Variants in ATG4C observed in about 807,000 individuals in gnomAD.
The protein encoded by ATG4C is cysteine protease ATG4C.
In ATG4C, 56 loss-of-function variants were observed where a neutral mutation model predicts 57.6. The ratio of observed to expected loss-of-function variants is 0.97; its 90% CI spans 0.78 to 1.21. The LOEUF (loss-of-function observed/expected upper bound fraction) is 1.21, where lower values mean the gene tolerates loss of function less well. ATG4C is among the 50% of genes most tolerant of loss of function. ATG4C has a pLI of 0.00. For synonymous variants in ATG4C, 157 were observed against 174.1 expected (o/e 0.90, Z 0.78); for missense variants, 595 against 529.8 (o/e 1.12, Z -1.21).
chr1:62,846,320 G>T (rs1345629527), intron 10 of ATG4C, among the ~76,000 whole-genome samples: 3 of 152,068 alleles, frequency 2.0e-5, no homozygotes, highest in Admixed American at 1.3e-4. Context: ...TTTACTGGTT[G>T]CTCCTTCTTT....
At chr1:62,803,386 G>A (rs1362114918) in intron 1 of ATG4C, among the ~76,000 whole-genome samples, 1 of 152,224 alleles carries the variant, frequency 6.6e-6, no homozygotes, top group East Asian at 1.9e-4. Context: ...TTGCGCCAAT[G>A]CACCAGAGCA....
chr1:62,817,430 C>T (rs765210489), intron 4 of ATG4C, among the ~76,000 whole-genome samples: 4 of 152,150 alleles, frequency 2.6e-5, no homozygotes, highest in African/African-American at 4.8e-5. Context: ...ATTGCAACTT[C>T]GAACTCCTGT....
intron 1 of ATG4C, 122 bp from the exon 2 acceptor site, chr1:62,803,595 AAG>A: frequency 2.7e-6 from 1 of 370,330 alleles, no homozygotes; most frequent in Non-Finnish European, 5.0e-6. Flanking sequence ...TGAGTATAAA[AAG>A]AGAAATTGTT....
chr1:62,824,525 A>C (rs940000827), intron 6 of ATG4C, among the ~76,000 whole-genome samples: 3 of 152,172 alleles, frequency 2.0e-5, no homozygotes, highest in African/African-American at 7.2e-5. Context: ...GTATGTTTTG[A>C]ATAAAACTAC....
intron 10 of ATG4C, among the ~76,000 whole-genome samples, chr1:62,843,378 T>G (rs1666230369): frequency 6.6e-6 from 1 of 152,220 alleles, no homozygotes; most frequent in Non-Finnish European, 1.5e-5. Flanking sequence ...AATAGCTTTT[T>G]GTAGCAGTAT....
chr1:62,856,982 A>G (rs924924063), intron 10 of ATG4C, among the ~76,000 whole-genome samples: 1 of 152,138 alleles, frequency 6.6e-6, no homozygotes, highest in African/African-American at 2.4e-5. Context: ...CCTGCAAGCC[A>G]CGCTGGCTTG....
intron 10 of ATG4C, among the ~76,000 whole-genome samples, chr1:62,860,017 A>G (rs775604163): frequency 2.0e-5 from 3 of 152,190 alleles, no homozygotes; most frequent in Non-Finnish European, 4.4e-5. Flanking sequence ...TTTTCTTTCT[A>G]TTCTTATTCT....
intron 6 of ATG4C, among the ~76,000 whole-genome samples, chr1:62,822,878 A>T (rs1665526199): frequency 6.6e-6 from 1 of 152,226 alleles, no homozygotes; most frequent in Non-Finnish European, 1.5e-5. Flanking sequence ...TTTAGAGCCA[A>T]GCACAGTGGC....
intron 1 of ATG4C, among the ~76,000 whole-genome samples, chr1:62,790,508 A>G (rs1022234310): frequency 6.6e-6 from 1 of 152,242 alleles, no homozygotes; most frequent in East Asian, 1.9e-4. Context: ...AAAGGTATAT[A>G]TAGTCAAAAT....
At chr1:62,817,439 G>A (rs1665316470) in intron 4 of ATG4C, among the ~76,000 whole-genome samples, 1 of 152,124 alleles carries the variant, frequency 6.6e-6, no homozygotes, top group South Asian at 2.1e-4. Context: ...TCGAACTCCT[G>A]TGCTCAAGCT....
At position 62,834,838 on chromosome 1, in the gene ATG4C, G is replaced by T; in HGVS notation, c.1075G>T (p.Asp359Tyr). 1.2e-6 allele frequency: 2 copies of T among 1,611,854 alleles called. No individual in the cohort carries two copies. Among genetic ancestry groups the T allele is most frequent in the Non-Finnish European group, 1.7e-6 (2 of 1,178,520 alleles). The change falls in exon 9 of 11, where the codon GAT becomes TAT. Residue 359 changes from aspartate (D) to tyrosine (Y), a missense_variant. Asp to Tyr is a radical substitution (Grantham distance 160, BLOSUM62 -3). Coordinates refer to ENST00000317868, the MANE Select transcript of ATG4C (RefSeq NM_032852.4). The stretch of plus-strand genomic sequence containing the variant: ...ATCTTTTGTAGATGTCAGCATAAAG[G>T]ATTTCCCTCTTGAGGTACTGTGGAT... ...CQSFVDVSIK[D>Y]FPLETFHCPS...
chr1:62,857,170 G>A (rs1666710096), intron 10 of ATG4C, among the ~76,000 whole-genome samples: 1 of 152,138 alleles, frequency 6.6e-6, no homozygotes, highest in Non-Finnish European at 1.5e-5. Flanking sequence ...TTAGGAACCA[G>A]GCTGCAAGCA....
chr1:62,861,395 A>T (rs1666848324), intron 10 of ATG4C, among the ~76,000 whole-genome samples: 2 of 151,986 alleles, frequency 1.3e-5, no homozygotes. Flanking sequence ...AAAATACAAA[A>T]TTAGCCAGGT....
chr1:62,860,773 T>C (rs1409462964), intron 10 of ATG4C, among the ~76,000 whole-genome samples: 1 of 152,194 alleles, frequency 6.6e-6, no homozygotes, highest in African/African-American at 2.4e-5. Context: ...AGCTCTAGTG[T>C]GGTGAATATA....
At chr1:62,828,172 T>C (rs1313871942) in intron 6 of ATG4C, among the ~76,000 whole-genome samples, 1 of 152,190 alleles carries the variant, frequency 6.6e-6, no homozygotes, top group Non-Finnish European at 1.5e-5. Context: ...TACCCAGTAA[T>C]CATTGCTAGG....
intron 7 of ATG4C, among the ~76,000 whole-genome samples, chr1:62,831,715 A>G (rs539962373): frequency 6.6e-6 from 1 of 152,304 alleles, no homozygotes; most frequent in South Asian, 2.1e-4. Flanking sequence ...ATAACTGTAA[A>G]GAAGCTCTTT....
chr1:62,825,738 A>G (rs72917264), intron 6 of ATG4C, among the ~76,000 whole-genome samples: 8,005 of 151,916 alleles, frequency 0.053, 715 homozygotes, highest in African/African-American at 0.18. Context: ...TGAATTCCCA[A>G]TTCTCCCTCC....
At chr1:62,854,388 C>T (rs1310277778) in intron 10 of ATG4C, among the ~76,000 whole-genome samples, 3 of 151,730 alleles carry the variant, frequency 2.0e-5, no homozygotes, top group Non-Finnish European at 2.9e-5. Flanking sequence ...TGCCATTCAC[C>T]TGCCTCAGCC....
intron 1 of ATG4C, among the ~76,000 whole-genome samples, chr1:62,795,016 C>T (rs61765898): frequency 6.7e-4 from 102 of 152,268 alleles, no homozygotes; most frequent in Middle Eastern, 3.4e-3. Flanking sequence ...TAGCTAAAAG[C>T]ACATCCAAAA....
Sources: gnomAD v4.1 joint callset for allele counts (sites outside exome capture counted in the v4.1 genomes callset) on GRCh38, gnomAD v4.1.1 for gene constraint, MANE v1.5 for transcripts, NCBI Gene and HGNC (gene_info 2026-07-23, HGNC 2026-07-21) for gene names.